Variants in FTO observed in about 807,000 individuals in gnomAD.
FTO encodes FTO alpha-ketoglutarate dependent dioxygenase, also known as alpha-ketoglutarate-dependent dioxygenase FTO.
FTO carries 47 observed loss-of-function variants against 63.9 expected under a neutral mutation model. The ratio of observed to expected loss-of-function variants is 0.74; its 90% CI spans 0.58 to 0.94. The LOEUF (loss-of-function observed/expected upper bound fraction) is 0.94. FTO is among the 40% of genes least tolerant of loss of function. The pLI, the probability that FTO is intolerant of heterozygous loss-of-function variation, is 0.00. For missense variants in FTO, 562 were observed against 618.1 expected, an observed-to-expected ratio of 0.91 and a Z score of 0.96; for synonymous variants, 207 against 224.4, an observed-to-expected ratio of 0.92 and a Z score of 0.69.
intron 1 of FTO, among the ~76,000 whole-genome samples, chr16:53,801,970 G>A (rs943985979): frequency 6.6e-6 from 1 of 151,998 alleles, no homozygotes; most frequent in African/African-American, 2.4e-5. Context: ...ATGTTGGCCA[G>A]GCTGGTCTTG....
At chr16:53,760,122 G>A (rs1289627781) in intron 1 of FTO, among the ~76,000 whole-genome samples, 1 of 152,006 alleles carries the variant, frequency 6.6e-6, no homozygotes, top group Non-Finnish European at 1.5e-5. Flanking sequence ...GAGCCTTTCT[G>A]TAGATGGTGG....
intron 8 of FTO, among the ~76,000 whole-genome samples, chr16:54,037,598 G>A (rs537878318): frequency 1.1e-4 from 17 of 152,242 alleles, no homozygotes; most frequent in African/African-American, 2.9e-4. Context: ...ACAGTTGTGC[G>A]TATTTCAGAT....
At chr16:53,732,525 G>A (rs1179327361) in intron 1 of FTO, among the ~76,000 whole-genome samples, 1 of 152,206 alleles carries the variant, frequency 6.6e-6, no homozygotes, top group East Asian at 1.9e-4. Flanking sequence ...TGTGGGAACT[G>A]TGAAGTATCT....
At chr16:54,033,272 A>T (rs534431237) in intron 8 of FTO, among the ~76,000 whole-genome samples, 38 of 152,202 alleles carry the variant, frequency 2.5e-4, no homozygotes, top group South Asian at 1.9e-3. Flanking sequence ...GATTTTCTTC[A>T]GTTGTGTGAC....
intron 7 of FTO, among the ~76,000 whole-genome samples, chr16:53,907,415 G>A (rs190862066): frequency 5.9e-5 from 9 of 152,104 alleles, no homozygotes; most frequent in Non-Finnish European, 1.2e-4. Flanking sequence ...CTTGGCTGAC[G>A]GGGAGCACAA....
At chr16:53,888,785 C>T in intron 6 of FTO, 47 bp from the exon 7 acceptor site, 1 of 1,608,030 alleles carries the variant, frequency 6.2e-7, no homozygotes, top group Non-Finnish European at 8.5e-7. Context: ...CCTCGCTTGT[C>T]TATCACAAGG....
intron 1 of FTO, among the ~76,000 whole-genome samples, chr16:53,717,377 A>G (rs1220373925): frequency 6.6e-6 from 1 of 152,108 alleles, no homozygotes; most frequent in Non-Finnish European, 1.5e-5. Context: ...CCTAATTATT[A>G]TATTTGGTTG....
intron 4 of FTO, among the ~76,000 whole-genome samples, chr16:53,859,491 TTA>T (rs2080107568): frequency 6.7e-6 from 1 of 149,154 alleles, no homozygotes; most frequent in African/African-American, 2.4e-5. Flanking sequence ...ATATATTTCA[TTA>T]TATGATTTAT....
intron 1 of FTO, among the ~76,000 whole-genome samples, chr16:53,747,654 G>C (rs1160431309): frequency 6.6e-6 from 1 of 152,140 alleles, no homozygotes; most frequent in Admixed American, 6.5e-5. Flanking sequence ...TTCTTGTGCA[G>C]AAGCTTTTTA....
intron 7 of FTO, among the ~76,000 whole-genome samples, chr16:53,901,561 T>C (rs563784861): frequency 1.3e-5 from 2 of 152,258 alleles, no homozygotes; most frequent in South Asian, 4.1e-4. Flanking sequence ...TTCCCACACA[T>C]ACCTCTCCAC....
chr16:53,755,152 C>T (rs182715858), intron 1 of FTO, among the ~76,000 whole-genome samples: 10 of 152,328 alleles, frequency 6.6e-5, no homozygotes, highest in South Asian at 2.1e-4. Context: ...AAGGCTGCCC[C>T]AACTGGCTTC....
At chr16:53,836,701 C>T (rs1418530628) in intron 3 of FTO, among the ~76,000 whole-genome samples, 1 of 152,216 alleles carries the variant, frequency 6.6e-6, no homozygotes, top group Non-Finnish European at 1.5e-5. Flanking sequence ...GAACTGGCGT[C>T]TCACTGGCTT....
Position 54,116,328 on chromosome 16 carries a change from A to C in FTO, c.*4413A>C, listed in dbSNP as rs2086974856. ...AAACTGTTTATTTTGGAGATCTGTC[A>C]GAGGCAAGCACATGGAAGACAAGGG... On this transcript the variant is annotated 3_prime_UTR_variant, in exon 9 of 9. Coordinates refer to ENST00000471389, the MANE Select transcript of FTO (RefSeq NM_001080432.3). 1 of 152,132 alleles carries C rather than the reference A, an allele frequency of 6.6e-6. No individual in the cohort carries two copies. The highest frequency in any genetic ancestry group is 2.1e-4 in the South Asian group (1 of 4,828). The allele number at this position is 152,132 out of a possible 1,614,324, so 9.4% of individuals were successfully genotyped here. A position where few individuals can be genotyped will look rare whatever the true frequency, so the allele number is the denominator to read the frequency against.
intron 1 of FTO, among the ~76,000 whole-genome samples, chr16:53,712,458 A>T (rs2075797888): frequency 6.6e-6 from 1 of 152,112 alleles, no homozygotes; most frequent in Admixed American, 6.5e-5. Context: ...GGTTTAGTTG[A>T]CTTCTGTAAA....
intron 7 of FTO, among the ~76,000 whole-genome samples, chr16:53,896,627 G>T (rs571232475): frequency 6.6e-6 from 1 of 152,252 alleles, no homozygotes; most frequent in Admixed American, 6.5e-5. Context: ...CAATGAGAAA[G>T]TTTGTAAAAT....
At position 53,884,703 on chromosome 16, in the gene FTO, A is replaced by C. The variant is rs141647423; in HGVS notation, c.1120-4129A>C. ...CTCAGAAATATTCTTTTGAAGTCTT[A>C]TTAGCTTTGCTCTCCAATGCCTAAG... On this transcript the variant is annotated intron_variant, in intron 6 of 8. Coordinates refer to ENST00000471389, the MANE Select transcript of FTO (RefSeq NM_001080432.3). Among the ~76,000 whole-genome samples, 590 of 152,330 alleles carry C rather than the reference A, an allele frequency of 3.9e-3. 3 individuals carry two copies. Among genetic ancestry groups the C allele is most frequent in the Non-Finnish European group, 6.9e-3 (466 of 68,018 alleles).
rs182277197 is a variant in FTO at position 53,963,115 on chromosome 16, C to T, written c.1364+29006C>T. On this transcript the variant is annotated intron_variant, in intron 8 of 8. Transcript: ENST00000471389. ...CAGGCAAACATTAACTTGTTCCCAG[C>T]GGTCCTTCAGATGCACATTCATTCT... 8.7e-4 allele frequency among the ~76,000 whole-genome samples: 133 copies of T among 152,292 alleles called. 1 individual carries two copies. Among genetic ancestry groups the T allele is most frequent in the African/African-American group, 3.0e-3 (125 of 41,554 alleles).
At chr16:54,083,268 T>G (rs1411330694) in intron 8 of FTO, among the ~76,000 whole-genome samples, 1 of 152,184 alleles carries the variant, frequency 6.6e-6, no homozygotes, top group African/African-American at 2.4e-5. Context: ...GCCCATTATC[T>G]CCTCACCTCC....
In FTO at chr16:53,791,154, G is replaced by A. The variant is rs76573498; in HGVS notation, c.46-18986G>A. On this transcript the variant is annotated intron_variant, in intron 1 of 8. Coordinates refer to ENST00000471389, the MANE Select transcript of FTO (RefSeq NM_001080432.3). Reference sequence around the variant, plus strand: ...GAAGAATAGTTTCAGCAGAATGGTAGTGGTTGAAGCCAGATCCTCATAGGG... The same window carrying A: ...GAAGAATAGTTTCAGCAGAATGGTAATGGTTGAAGCCAGATCCTCATAGGG... Among the ~76,000 whole-genome samples, 3 of 152,306 alleles carry A rather than the reference G, an allele frequency of 2.0e-5. No homozygotes were observed. In the East Asian group the frequency reaches 5.8e-4, roughly 29 times the overall value.
Sources: allele counts gnomAD v4.1 joint callset (sites outside exome capture counted in the v4.1 genomes callset), GRCh38; gene constraint gnomAD v4.1.1; transcripts MANE v1.5; gene names NCBI Gene and HGNC (gene_info 2026-07-23, HGNC 2026-07-21).